The following CDH4 variants were observed in gnomAD, a reference collection of about 807,000 sequenced individuals.
The protein encoded by CDH4 is cadherin-4.
CDH4 carries 33 observed loss-of-function variants against 86.0 expected under a neutral mutation model. The ratio of observed to expected loss-of-function variants is 0.38; its 90% CI spans 0.29 to 0.51. The LOEUF (loss-of-function observed/expected upper bound fraction) is 0.51. Among genes scored for constraint, CDH4 ranks in the 20% least tolerant of loss-of-function variants. CDH4 has a pLI of 0.86. For missense variants in CDH4, 1,114 were observed against 1,307.4 expected, an observed-to-expected ratio of 0.85 and a Z score of 2.28; for synonymous variants, 555 against 549.4, an observed-to-expected ratio of 1.01 and a Z score of -0.14.
chr20:61,850,965 G>T (rs1197648197), intron 5 of CDH4, among the ~76,000 whole-genome samples: 5 of 152,250 alleles, frequency 3.3e-5, no homozygotes, highest in African/African-American at 1.2e-4. Flanking sequence ...GCCTGAAACT[G>T]CTTTAGTTAG....
intron 3 of CDH4, among the ~76,000 whole-genome samples, chr20:61,744,848 G>A (rs1269108563): frequency 1.3e-5 from 2 of 152,220 alleles, no homozygotes; most frequent in Admixed American, 6.5e-5. Context: ...CGGGGAAGTG[G>A]CCAGGTCCCC....
chr20:61,737,444 C>A (rs1048856282), intron 2 of CDH4, among the ~76,000 whole-genome samples: 1 of 152,120 alleles, frequency 6.6e-6, no homozygotes, highest in Non-Finnish European at 1.5e-5. Flanking sequence ...ACACCCTGCA[C>A]GGCTCCCCAT....
chr20:61,303,452 G>T (rs1046419635), intron 2 of CDH4, among the ~76,000 whole-genome samples: 35 of 75,278 alleles, frequency 4.6e-4, no homozygotes, highest in African/African-American at 1.4e-3. Flanking sequence ...GTCTGGCCCT[G>T]CTCTTGCCAT....
At chr20:61,403,541 A>G (rs1021329036) in intron 2 of CDH4, among the ~76,000 whole-genome samples, 6 of 152,162 alleles carry the variant, frequency 3.9e-5, no homozygotes, top group Admixed American at 1.3e-4. Flanking sequence ...TGTCGGTGCC[A>G]TAACTCAAAT....
chr20:61,296,069 GGA>G (rs2084350370), intron 2 of CDH4, among the ~76,000 whole-genome samples: 2 of 152,114 alleles, frequency 1.3e-5, no homozygotes, highest in South Asian at 4.1e-4. Context: ...GGGGCAAGGG[GGA>G]GTGGCCTGCG....
chr20:61,507,647 A>G (rs931176642), intron 2 of CDH4, among the ~76,000 whole-genome samples: 12 of 152,226 alleles, frequency 7.9e-5, no homozygotes, highest in African/African-American at 2.4e-4. Context: ...AAGGTCACCA[A>G]AAATGAGGAA....
chr20:61,453,971 G>A (rs1011997615), intron 2 of CDH4, among the ~76,000 whole-genome samples: 2 of 152,202 alleles, frequency 1.3e-5, no homozygotes, highest in Non-Finnish European at 2.9e-5. Flanking sequence ...GGATAGGTTT[G>A]CTTCCCCTTC....
Position 61,393,651 on chromosome 20 carries a change from G to A in CDH4, c.169+138714G>A, listed in dbSNP as rs548984479. On this transcript the variant is annotated intron_variant, in intron 2 of 15. Coordinates refer to ENST00000614565, the MANE Select transcript of CDH4 (RefSeq NM_001794.5). This position sits in a 1 kb window ranked among gnomAD's most constrained non-coding sequence, Gnocchi z 4.3. Reference sequence around the variant, plus strand: ...AGACCCAAAGCATAGTGGTTGCAGCGAGGATCATCGAAGTAGACCTGGCTG... The same window carrying A: ...AGACCCAAAGCATAGTGGTTGCAGCAAGGATCATCGAAGTAGACCTGGCTG... 9.9e-5 allele frequency among the ~76,000 whole-genome samples: 15 copies of A among 152,214 alleles called. No individual in the cohort carries two copies. The highest frequency in any genetic ancestry group is 9.7e-4 in the East Asian group (5 of 5,162).
intron 2 of CDH4, among the ~76,000 whole-genome samples, chr20:61,430,608 T>C (rs1441766379): frequency 2.0e-5 from 3 of 152,096 alleles, no homozygotes; most frequent in Non-Finnish European, 4.4e-5. Context: ...AACACTGCAA[T>C]GGTGCGATTA....
intron 2 of CDH4, among the ~76,000 whole-genome samples, chr20:61,439,942 C>T (rs1218259753): frequency 6.6e-6 from 1 of 152,256 alleles, no homozygotes; most frequent in African/African-American, 2.4e-5. Flanking sequence ...CTCTAACATG[C>T]CTCACTGCTC....
intron 2 of CDH4, among the ~76,000 whole-genome samples, chr20:61,576,594 C>G (rs554522278): frequency 6.6e-6 from 1 of 152,312 alleles, no homozygotes; most frequent in South Asian, 2.1e-4. Flanking sequence ...CCACTCTCTT[C>G]TATCCCTCAC....
At position 61,453,298 on chromosome 20, in the gene CDH4, TAAG is replaced by T. The variant is rs536479798; in HGVS notation, c.169+198368_169+198370del. On this transcript the variant is annotated intron_variant, in intron 2 of 15. Transcript: ENST00000614565. ...ATGGGGGATTATATATCTCAGCATA[TAAG>T]AAGAAGGAACTCGCATTGCACTTTG... Among the ~76,000 whole-genome samples the T allele has an allele frequency of 1.9e-3, 282 of 152,248 alleles. 1 individual carries two copies. The highest frequency in any genetic ancestry group is 6.5e-3 in the African/African-American group (269 of 41,554).
At chr20:61,599,201 A>G in intron 2 of CDH4, among the ~76,000 whole-genome samples, 1 of 150,798 alleles carries the variant, frequency 6.6e-6, no homozygotes, top group Non-Finnish European at 1.5e-5. Flanking sequence ...CCTGCTGATC[A>G]CTCCCACCCC....
At chr20:61,464,895 C>A (rs985950654) in intron 2 of CDH4, among the ~76,000 whole-genome samples, 8 of 152,184 alleles carry the variant, frequency 5.3e-5, no homozygotes, top group Admixed American at 2.6e-4. Context: ...AAACTGAGAG[C>A]CCAGTGAGAA....
At chr20:61,612,251 A>C (rs1165742815) in intron 2 of CDH4, among the ~76,000 whole-genome samples, 1 of 152,102 alleles carries the variant, frequency 6.6e-6, no homozygotes, top group Admixed American at 6.5e-5. Flanking sequence ...ATTCTCTTTT[A>C]GCTACTTCAA....
chr20:61,416,665 G>A (rs916130979), intron 2 of CDH4, among the ~76,000 whole-genome samples: 7 of 152,188 alleles, frequency 4.6e-5, no homozygotes, highest in Admixed American at 2.0e-4. Context: ...TGAAATCGGT[G>A]TGCATTAGAC....
At chr20:61,391,470 G>A (rs972179166) in intron 2 of CDH4, among the ~76,000 whole-genome samples, 14 of 152,128 alleles carry the variant, frequency 9.2e-5, no homozygotes, top group Non-Finnish European at 1.5e-4. Flanking sequence ...TGGACTAAGG[G>A]ACATCGCCAG....
At chr20:61,414,135 C>T (rs776903982) in intron 2 of CDH4, among the ~76,000 whole-genome samples, 12 of 152,214 alleles carry the variant, frequency 7.9e-5, no homozygotes, top group East Asian at 5.8e-4. Flanking sequence ...TCCTTAAAGG[C>T]GCTACCGCAA....
intron 7 of CDH4, among the ~76,000 whole-genome samples, chr20:61,886,904 C>T (rs1190038995): frequency 1.3e-5 from 2 of 152,138 alleles, no homozygotes; most frequent in Non-Finnish European, 2.9e-5. Context: ...TAACGTGGGG[C>T]TCCCCTTGCC....
Sources: gnomAD v4.1 joint callset for allele counts (sites outside exome capture counted in the v4.1 genomes callset) on GRCh38, gnomAD v4.1.1 for gene constraint, Gnocchi (gnomAD v3.1) non-coding constraint, MANE v1.5 for transcripts, NCBI Gene and HGNC (gene_info 2026-07-23, HGNC 2026-07-21) for gene names.